Variants in TMEM254 observed in about 807,000 individuals in gnomAD.
TMEM254 encodes transmembrane protein C10orf57.
TMEM254 carries 16 observed loss-of-function variants against 13.9 expected under a neutral mutation model. That is an observed-to-expected ratio of 1.15 (90% CI 0.78 to 1.75). The LOEUF is 1.75. Ranked by LOEUF, TMEM254 falls within the 40% of genes most tolerant of loss-of-function variation. The pLI, the probability that TMEM254 is intolerant of heterozygous loss-of-function variation, is 0.00. For missense variants in TMEM254, 155 were observed against 149.0 expected (o/e 1.04, Z -0.21); for synonymous variants, 61 against 56.4 (o/e 1.08, Z -0.36).
At chr10:80,081,410 T>C (rs1252412916) in intron 1 of TMEM254, among the ~76,000 whole-genome samples, 2 of 152,220 alleles carry the variant, frequency 1.3e-5, no homozygotes, top group African/African-American at 2.4e-5. Context: ...GTCATGCCTG[T>C]AATCCCAGCA....
intron 1 of TMEM254, among the ~76,000 whole-genome samples, chr10:80,080,773 T>TACACACACACACAC (rs35188589): frequency 7.3e-5 from 11 of 150,126 alleles, no homozygotes; most frequent in African/African-American, 2.7e-4. Context: ...ACCTCATCTC[T>TACACACACACACAC]ACACACACAC....
intron 3 of TMEM254, among the ~76,000 whole-genome samples, chr10:80,089,120 T>C (rs1844454908): frequency 6.6e-6 from 1 of 152,082 alleles, no homozygotes; most frequent in Non-Finnish European, 1.5e-5. Context: ...TTATTTTCAG[T>C]TTTTAGGTAT....
chr10:80,086,789 C>T (rs1360207504), intron 3 of TMEM254, among the ~76,000 whole-genome samples: 23 of 148,548 alleles, frequency 1.5e-4, no homozygotes, highest in Admixed American at 5.4e-4. Context: ...TGCAGTGAGC[C>T]GAGATCGCAC....
At chr10:80,088,475 A>C (rs1043843037) in intron 3 of TMEM254, among the ~76,000 whole-genome samples, 1 of 151,862 alleles carries the variant, frequency 6.6e-6, no homozygotes, top group Admixed American at 6.6e-5. Context: ...GAAAGCATCA[A>C]ATATTTCTAT....
chr10:80,080,235 T>C (rs1451232727), intron 1 of TMEM254, among the ~76,000 whole-genome samples: 3 of 152,234 alleles, frequency 2.0e-5, no homozygotes, highest in Non-Finnish European at 2.9e-5. Context: ...GATGCAGTGA[T>C]ATTTGTGCAT....
At chr10:80,078,953 A>G (rs1422525821) in intron 1 of TMEM254, 167 bp downstream of exon 1, 1 of 1,532,820 alleles carries the variant, frequency 6.5e-7, no homozygotes, top group Non-Finnish European at 8.8e-7. Flanking sequence ...AATGAGAGCA[A>G]GCATACTGGT....
At chr10:80,088,767 C>CA (rs10670160) in intron 3 of TMEM254, among the ~76,000 whole-genome samples, 1,903 of 118,320 alleles carry the variant, frequency 0.016, 63 homozygotes, top group African/African-American at 0.054. Flanking sequence ...GACTCCGTCT[C>CA]AAAAAAAAAA....
chr10:80,085,105 C>T (rs1844247093), intron 3 of TMEM254, among the ~76,000 whole-genome samples: 1 of 152,124 alleles, frequency 6.6e-6, no homozygotes, highest in Admixed American at 6.6e-5. Context: ...CAGACGTGAG[C>T]CACCGCACCC....
chr10:80,079,255 C>G (rs1843829383), intron 1 of TMEM254: 1 of 1,237,010 alleles, frequency 8.1e-7, no homozygotes, highest in Non-Finnish European at 1.0e-6. Context: ...GAGGGGAGCT[C>G]TGGGAACGGG....
At chr10:80,079,222 G>C (rs1843826330) in intron 1 of TMEM254, 1 of 1,268,344 alleles carries the variant, frequency 7.9e-7, no homozygotes, top group African/African-American at 1.6e-5. Context: ...CCTCTGTTTT[G>C]GCCCGCCGGG....
intron 3 of TMEM254, among the ~76,000 whole-genome samples, chr10:80,083,210 GA>G (rs775891170): frequency 6.8e-5 from 10 of 146,864 alleles, no homozygotes; most frequent in Non-Finnish European, 1.5e-4. Context: ...GGGTTAAAAC[GA>G]TTCTGCCTCA....
In TMEM254 at chr10:80,087,585, G is replaced by A. The variant is rs146357533; in HGVS notation, c.252-3212G>A. On this transcript the variant is annotated intron_variant, in intron 3 of 3. Coordinates refer to ENST00000372281, the MANE Select transcript of TMEM254 (RefSeq NM_025125.4). Reference sequence around the variant, plus strand: ...AGAGAATAGCTTGAATCTGGGAGGCGGAGGTTGCAGTGAGCTGAGATCACA... The same window carrying A: ...AGAGAATAGCTTGAATCTGGGAGGCAGAGGTTGCAGTGAGCTGAGATCACA... Among the ~76,000 whole-genome samples the A allele has an allele frequency of 1.1e-3, 163 of 152,104 alleles. 5 individuals are homozygous for A. The East Asian group carries it at 0.03, about 28-fold the overall frequency.
chr10:80,087,369 G>A (rs946366226), intron 3 of TMEM254, among the ~76,000 whole-genome samples: 9 of 151,926 alleles, frequency 5.9e-5, no homozygotes, highest in South Asian at 4.2e-4. Flanking sequence ...TTGGCTGGGT[G>A]TGGTGGCTCA....
intron 3 of TMEM254, among the ~76,000 whole-genome samples, chr10:80,082,895 ATAAT>A (rs1044114771): frequency 2.6e-5 from 4 of 152,192 alleles, no homozygotes; most frequent in East Asian, 3.8e-4. Context: ...GGTCAAGATA[ATAAT>A]TAATTGAATT....
intron 3 of TMEM254, chr10:80,090,392 A>G (rs1288602384): frequency 7.0e-6 from 5 of 717,462 alleles, no homozygotes; most frequent in Non-Finnish European, 1.3e-5. Context: ...GAGAAAACTG[A>G]TTCTGAGAGA....
At chr10:80,086,117 A>G (rs1288518952) in intron 3 of TMEM254, 1 of 574,264 alleles carries the variant, frequency 1.7e-6, no homozygotes, top group Non-Finnish European at 2.8e-6. Flanking sequence ...TAAGGCAGGA[A>G]AAAGTGTACT....
At chr10:80,079,704 G>A (rs1322884579) in intron 1 of TMEM254, 2 of 985,616 alleles carry the variant, frequency 2.0e-6, no homozygotes, top group Non-Finnish European at 2.4e-6. Context: ...TAGGTTGGGG[G>A]CTAAGGTGGT....
At chr10:80,078,936 A>T in intron 1 of TMEM254, 150 bp downstream of exon 1, 2 of 1,523,160 alleles carry the variant, frequency 1.3e-6, no homozygotes. Context: ...AGGGGACCAG[A>T]CTCCGCAATG....
At chr10:80,087,631 C>T (rs988368285) in intron 3 of TMEM254, among the ~76,000 whole-genome samples, 14 of 152,076 alleles carry the variant, frequency 9.2e-5, no homozygotes, top group African/African-American at 3.1e-4. Context: ...CTAGCCTGGG[C>T]AACAGAGCAA....
Sources: allele counts gnomAD v4.1 joint callset (sites outside exome capture counted in the v4.1 genomes callset), GRCh38; gene constraint gnomAD v4.1.1; transcripts MANE v1.5; gene names NCBI Gene and HGNC (gene_info 2026-07-23, HGNC 2026-07-21).